The following ITGBL1 variants were observed in gnomAD, a reference collection of about 807,000 sequenced individuals.
The protein encoded by ITGBL1 is integrin subunit beta like 1.
A neutral mutation model predicts 68.5 loss-of-function variants in ITGBL1; 51 were observed. That is an observed-to-expected ratio of 0.74 (90% CI 0.59 to 0.94). The LOEUF (loss-of-function observed/expected upper bound fraction) is 0.94. Among genes scored for constraint, ITGBL1 ranks in the 40% least tolerant of loss-of-function variants. The pLI is 0.00. For missense variants in ITGBL1, 649 were observed against 647.4 expected, an observed-to-expected ratio of 1.00 and a Z score of -0.03; for synonymous variants, 209 against 227.3, an observed-to-expected ratio of 0.92 and a Z score of 0.72.
intron 7 of ITGBL1, among the ~76,000 whole-genome samples, chr13:101,637,425 C>G (rs1332216162): frequency 1.3e-5 from 2 of 150,008 alleles, no homozygotes; most frequent in East Asian, 2.0e-4. Flanking sequence ...CTCACTGCAA[C>G]CACCGCCTCC....
At chr13:101,604,622 A>T (rs2030580376) in intron 7 of ITGBL1, among the ~76,000 whole-genome samples, 1 of 151,084 alleles carries the variant, frequency 6.6e-6, no homozygotes, top group South Asian at 2.1e-4. Context: ...ACATCTGCAA[A>T]CACATTGGTA....
chr13:101,717,671 T>C (rs573423198), downstream of ITGBL1: 4 of 152,152 alleles, frequency 2.6e-5, no homozygotes, highest in Non-Finnish European at 4.4e-5. Flanking sequence ...TTCTTCTTTG[T>C]TGGTTTCTGT....
intron 2 of ITGBL1, among the ~76,000 whole-genome samples, chr13:101,538,853 GTT>G (rs1374134031): frequency 6.6e-6 from 1 of 151,916 alleles, no homozygotes; most frequent in African/African-American, 2.4e-5. Flanking sequence ...CTCTTAAGCA[GTT>G]TATAGTCATT....
rs2050417964 is a variant in ITGBL1, at chr13:101,579,422, A to G, written c.722A>G (p.Asn241Ser). Reference protein sequence around the residue: ...CTSPDGKICSNRGTCVCGECT... With the variant: ...CTSPDGKICSSRGTCVCGECT... ...TCTCCAGATGGCAAAATCTGCAGTA[A>G]CAGAGGTGTGTCATTCATACATGTT... The change falls in exon 5 of 11, where the codon AAC (asparagine) becomes AGC (serine). Residue 241 changes from asparagine to serine, a missense_variant. Physicochemically the swap from Asn to Ser is conservative, Grantham distance 46. Coordinates refer to ENST00000376180, the MANE Select transcript of ITGBL1 (RefSeq NM_004791.3). 6.2e-7 allele frequency: 1 copy of G among 1,613,644 alleles called. No homozygotes were observed. Among genetic ancestry groups the G allele is most frequent in the African/African-American group, 1.3e-5 (1 of 75,030 alleles).
intron 7 of ITGBL1, among the ~76,000 whole-genome samples, chr13:101,636,801 G>C (rs944493972): frequency 7.2e-5 from 11 of 152,174 alleles, no homozygotes; most frequent in African/African-American, 2.6e-4. Context: ...TTCTAATATT[G>C]ATCCTGCTGT....
chr13:101,590,050 C>T (rs2050624735), intron 6 of ITGBL1, among the ~76,000 whole-genome samples: 1 of 152,132 alleles, frequency 6.6e-6, no homozygotes, highest in South Asian at 2.1e-4. Flanking sequence ...CAGAACGTGC[C>T]TATGGGAGAA....
intron 2 of ITGBL1, among the ~76,000 whole-genome samples, chr13:101,483,820 A>C (rs574428802): frequency 6.4e-4 from 97 of 152,322 alleles, no homozygotes; most frequent in African/African-American, 2.3e-3. Flanking sequence ...GGCTTAAATA[A>C]CTCAGATAAT....
intron 9 of ITGBL1, chr13:101,713,443 C>G (rs994505411): frequency 6.6e-6 from 1 of 151,736 alleles, no homozygotes; most frequent in African/African-American, 2.4e-5. Flanking sequence ...GATTTTGACT[C>G]AAAAAGAATA....
chr13:101,558,624 G>T (rs1371660313), intron 2 of ITGBL1, among the ~76,000 whole-genome samples: 1 of 152,108 alleles, frequency 6.6e-6, no homozygotes, highest in East Asian at 1.9e-4. Flanking sequence ...TATTATCATG[G>T]ATTCTCTGGT....
chr13:101,483,708 AT>A (rs994797649), intron 2 of ITGBL1, among the ~76,000 whole-genome samples: 20 of 152,044 alleles, frequency 1.3e-4, no homozygotes, highest in African/African-American at 4.6e-4. Flanking sequence ...CTAAAATTCA[AT>A]TTTTTTCCTT....
At chr13:101,552,818 T>C (rs187794683) in intron 2 of ITGBL1, among the ~76,000 whole-genome samples, 4 of 152,338 alleles carry the variant, frequency 2.6e-5, no homozygotes, top group East Asian at 3.9e-4. Flanking sequence ...TTCCAAAGAA[T>C]TGAGTGATCA....
chr13:101,657,416 A>G (rs959942846), intron 7 of ITGBL1, among the ~76,000 whole-genome samples: 6 of 152,184 alleles, frequency 3.9e-5, no homozygotes, highest in African/African-American at 1.4e-4. Context: ...ATATACAGAG[A>G]GTATAAAATT....
chr13:101,569,025 A>AAAACACACACAC (rs2050227447), intron 3 of ITGBL1, among the ~76,000 whole-genome samples: 1 of 103,656 alleles, frequency 9.6e-6, no homozygotes, highest in Admixed American at 1.0e-4. Flanking sequence ...CACCCCTCCA[A>AAAACACACACAC]ACACACACAC....
chr13:101,622,120 C>A (rs1411511488), intron 7 of ITGBL1, among the ~76,000 whole-genome samples: 2 of 152,120 alleles, frequency 1.3e-5, no homozygotes, highest in Non-Finnish European at 2.9e-5. Flanking sequence ...ATCCAGAAAT[C>A]CATCTATGTG....
intron 7 of ITGBL1, among the ~76,000 whole-genome samples, chr13:101,645,187 G>C (rs1186042979): frequency 6.6e-6 from 1 of 152,140 alleles, no homozygotes; most frequent in Non-Finnish European, 1.5e-5. Context: ...GCTTTGGCTT[G>C]TGGTCTGTAA....
chr13:101,578,587 A>G (rs2050402407), intron 4 of ITGBL1, among the ~76,000 whole-genome samples: 1 of 152,162 alleles, frequency 6.6e-6, no homozygotes, highest in Non-Finnish European at 1.5e-5. Flanking sequence ...TGAGCAGGTA[A>G]CAGGTTACAG....
chr13:101,608,108 C>T (rs892121934), intron 7 of ITGBL1, among the ~76,000 whole-genome samples: 4 of 152,018 alleles, frequency 2.6e-5, no homozygotes, highest in Admixed American at 6.6e-5. Flanking sequence ...TAGATGGAGG[C>T]TAATTATTTA....
chr13:101,711,694 C>A (rs2034473725), intron 9 of ITGBL1: 1 of 152,168 alleles, frequency 6.6e-6, no homozygotes, highest in Non-Finnish European at 1.5e-5. Flanking sequence ...GGTAAAATTT[C>A]ATTTCTTTCC....
chr13:101,626,424 C>A (rs1222557692), intron 7 of ITGBL1, among the ~76,000 whole-genome samples: 1 of 152,162 alleles, frequency 6.6e-6, no homozygotes, highest in Non-Finnish European at 1.5e-5. Flanking sequence ...CCGAAATAAG[C>A]AGCTTACCTT....
Sources: allele counts gnomAD v4.1 joint callset (sites outside exome capture counted in the v4.1 genomes callset), GRCh38; gene constraint gnomAD v4.1.1; transcripts MANE v1.5; gene names NCBI Gene and HGNC (gene_info 2026-07-23, HGNC 2026-07-21).